Variants in SRPK1 observed in about 807,000 individuals in gnomAD.
SRPK1 encodes the protein SFRS protein kinase 1.
SRPK1 carries 52 observed loss-of-function variants against 89.5 expected under a neutral mutation model. The observed-to-expected ratio is 0.58, with a 90% CI of 0.46 to 0.73. The LOEUF (loss-of-function observed/expected upper bound fraction) is 0.73. Among genes scored for constraint, SRPK1 ranks in the 30% least tolerant of loss-of-function variants. The pLI, the probability that SRPK1 is intolerant of heterozygous loss-of-function variation, is 0.00. For synonymous variants in SRPK1, 255 were observed against 270.2 expected (o/e 0.94, Z 0.55); for missense variants, 603 against 780.6 (o/e 0.77, Z 2.71).
rs559113657 is a variant in SRPK1, at chr6:35,861,571, A to T, written c.1513-4203T>A. On this transcript the variant is annotated intron_variant, in intron 12 of 15. Transcript: ENST00000373825. Reference sequence around the variant, plus strand: ...CTGCCATGGGCTGCCGGTGAGACCAAGATGTGAGTGGACCACATTCCCCAC... The same window carrying T: ...CTGCCATGGGCTGCCGGTGAGACCATGATGTGAGTGGACCACATTCCCCAC... Among the ~76,000 whole-genome samples the T allele has an allele frequency of 7.8e-4, 119 of 152,342 alleles. 1 individual carries two copies. Among genetic ancestry groups the T allele is most frequent in the African/African-American group, 2.5e-3 (102 of 41,582 alleles).
intron 6 of SRPK1, 55 bp from the exon 7 acceptor site, chr6:35,874,394 A>T: frequency 8.1e-7 from 1 of 1,229,794 alleles, no homozygotes; most frequent in South Asian, 1.3e-5. Context: ...ACGGCAAGAC[A>T]AGCTGTGAAT....
At chr6:35,876,216 A>G (rs543331553) in intron 6 of SRPK1, among the ~76,000 whole-genome samples, 12 of 152,332 alleles carry the variant, frequency 7.9e-5, no homozygotes, top group Admixed American at 7.8e-4. Context: ...AATGACTAAA[A>G]TAAAAAAACT....
chr6:35,840,824 G>C (rs1769290960), intron 14 of SRPK1, among the ~76,000 whole-genome samples: 1 of 152,096 alleles, frequency 6.6e-6, no homozygotes, highest in Non-Finnish European at 1.5e-5. Context: ...AGCATCGGTG[G>C]GGCTGATGTT....
intron 3 of SRPK1, among the ~76,000 whole-genome samples, chr6:35,890,361 C>G (rs971211935): frequency 4.6e-5 from 7 of 152,218 alleles, no homozygotes; most frequent in South Asian, 4.1e-4. Context: ...TCTTTGTCAG[C>G]TGAGAATAAG....
intron 13 of SRPK1, among the ~76,000 whole-genome samples, chr6:35,850,624 A>G (rs1769532472): frequency 6.6e-6 from 1 of 152,204 alleles, no homozygotes; most frequent in South Asian, 2.1e-4. Flanking sequence ...ATGGTTCTAT[A>G]TCAAAGATGT....
rs569482638 is a variant in SRPK1 at position 35,871,127 on chromosome 6, T to G, written c.752-168A>C. The G allele has an allele frequency of 1.5e-5, 6 of 405,886 alleles. No homozygotes were observed. In the South Asian group the frequency reaches 4.7e-4, roughly 32 times the overall value. 25.1% of individuals were successfully genotyped at this position (405,886 alleles called of 1,614,324 possible). On this transcript the variant is annotated intron_variant, in intron 8 of 15. Transcript: ENST00000373825. ...TAAGTAGAAGCTATATTATTACCAT[T>G]TTTAAAGAAAATAATGAATAGAAAT... is the stretch of plus-strand genomic sequence containing the variant.
intron 3 of SRPK1, among the ~76,000 whole-genome samples, chr6:35,890,287 G>C (rs1198379962): frequency 6.6e-6 from 1 of 152,116 alleles, no homozygotes; most frequent in African/African-American, 2.4e-5. Flanking sequence ...CAAAAAACCA[G>C]AAAACAGAAG....
At chr6:35,853,426 A>G (rs373581840) in intron 13 of SRPK1, among the ~76,000 whole-genome samples, 2 of 152,366 alleles carry the variant, frequency 1.3e-5, no homozygotes, top group East Asian at 1.9e-4. Flanking sequence ...TGCAAACACT[A>G]TGCCATTTTA....
At chr6:35,839,972 C>G (rs1285479137) in intron 14 of SRPK1, among the ~76,000 whole-genome samples, 2 of 152,000 alleles carry the variant, frequency 1.3e-5, no homozygotes, top group Non-Finnish European at 2.9e-5. Flanking sequence ...GCCACTGTGC[C>G]TGGCCTGTAT....
chr6:35,850,415 G>C (rs140847236), intron 13 of SRPK1, among the ~76,000 whole-genome samples: 1 of 152,284 alleles, frequency 6.6e-6, no homozygotes, highest in East Asian at 1.9e-4. Flanking sequence ...TAACAGCAAG[G>C]AAGCAATGTT....
intron 2 of SRPK1, among the ~76,000 whole-genome samples, chr6:35,891,651 C>T (rs896763839): frequency 3.3e-5 from 5 of 150,518 alleles, no homozygotes; most frequent in African/African-American, 7.4e-5. Flanking sequence ...TGCTTGAACC[C>T]GGGAAGTGGA....
chr6:35,864,594 T>C (rs138803679), intron 12 of SRPK1, among the ~76,000 whole-genome samples: 77 of 152,280 alleles, frequency 5.1e-4, no homozygotes, highest in Non-Finnish European at 9.4e-4. Flanking sequence ...GCACTGATGA[T>C]AGGAATATAA....
chr6:35,899,091 G>A (rs942628766), intron 2 of SRPK1, among the ~76,000 whole-genome samples: 3 of 152,166 alleles, frequency 2.0e-5, no homozygotes, highest in East Asian at 1.9e-4. Context: ...AACCTGGGAC[G>A]TGGAAGTTGT....
rs373399874 is a variant in SRPK1 at position 35,857,365 on chromosome 6, T to C, written c.1516A>G (p.Lys506Glu). The C allele has an allele frequency of 4.6e-5, 74 of 1,605,546 alleles. No homozygotes were observed. The East Asian group carries it at 5.1e-4, about 11-fold the overall frequency. Reference sequence around the variant, plus strand: ...GTTTGAATATCTTCAGTGAAATGTTTGTGCTGAGAAAATGAAGGAAACAAT... The same window carrying C: ...GTTTGAATATCTTCAGTGAAATGTTCGTGCTGAGAAAATGAAGGAAACAAT... ...ADLGNACWVHKHFTEDIQTRQ... is the reference protein window; with the variant it reads ...ADLGNACWVHEHFTEDIQTRQ... The change falls in exon 13 of 16, where the codon AAA becomes GAA. Residue 506 changes from lysine (K) to glutamate (E), a missense_variant. Physicochemically the swap from Lys to Glu is moderately conservative, Grantham distance 56 (BLOSUM62 1). Coordinates refer to ENST00000373825, the MANE Select transcript of SRPK1 (RefSeq NM_003137.5).
At chr6:35,859,837 GT>G (rs1201190555) in intron 12 of SRPK1, among the ~76,000 whole-genome samples, 1 of 151,924 alleles carries the variant, frequency 6.6e-6, no homozygotes, top group Non-Finnish European at 1.5e-5. Flanking sequence ...TGCTGAATGA[GT>G]GAATGGCTGA....
intron 2 of SRPK1, among the ~76,000 whole-genome samples, chr6:35,895,169 A>G (rs1418721372): frequency 6.6e-6 from 1 of 152,196 alleles, no homozygotes; most frequent in Admixed American, 6.5e-5. Flanking sequence ...ATCTAAACAA[A>G]AAAAGTTATG....
At chr6:35,874,547 T>G (rs1350219762) in intron 6 of SRPK1, among the ~76,000 whole-genome samples, 1 of 152,222 alleles carries the variant, frequency 6.6e-6, no homozygotes, top group Non-Finnish European at 1.5e-5. Context: ...AACATTAAAT[T>G]GTGGGCGGCT....
Position 35,838,373 on chromosome 6 carries a change from C to A in SRPK1, c.1747G>T (p.Ala583Ser), listed in dbSNP as rs1463826128. 6.3e-7 allele frequency: 1 copy of A among 1,579,978 alleles called. No individual in the cohort carries two copies. Among genetic ancestry groups the A allele is most frequent in the Non-Finnish European group, 8.5e-7 (1 of 1,171,132 alleles). The change falls in exon 15 of 16, where the codon GCA becomes TCA. Residue 583 changes from alanine to serine, a missense_variant. Ala to Ser is a moderately conservative substitution (Grantham distance 99, BLOSUM62 1). Transcript: ENST00000373825. ...AAAAATTCCTTGGAATATTTTCCTG[C>A]CACAATGAGCTTGCGAGGCACCTTC... ...LGKVPRKLIVAGKYSKEFFTK... is the reference protein window; with the variant it reads ...LGKVPRKLIVSGKYSKEFFTK...
chr6:35,869,190 A>G, intron 11 of SRPK1, 80 bp from the exon 12 acceptor site: 1 of 1,193,104 alleles, frequency 8.4e-7, no homozygotes, highest in Non-Finnish European at 1.2e-6. Context: ...CTCCAAGGTA[A>G]GAGTAATACA....
Sources: gnomAD v4.1 joint callset for allele counts (sites outside exome capture counted in the v4.1 genomes callset) on GRCh38, gnomAD v4.1.1 for gene constraint, MANE v1.5 for transcripts, NCBI Gene and HGNC (gene_info 2026-07-23, HGNC 2026-07-21) for gene names.